MACROD2: variants seen among roughly 807,000 people sequenced by gnomAD.
The protein encoded by MACROD2 is mono-ADP ribosylhydrolase 2.
MACROD2 carries 36 observed loss-of-function variants against 70.4 expected under a neutral mutation model. That is an observed-to-expected ratio of 0.51 (90% CI 0.39 to 0.68). MACROD2 has a LOEUF of 0.68. MACROD2 is among the 30% of genes least tolerant of loss of function. The pLI is 0.00. For missense variants in MACROD2, 496 were observed against 538.4 expected (o/e 0.92, Z 0.78); for synonymous variants, 172 against 178.8 (o/e 0.96, Z 0.30).
intron 6 of MACROD2, among the ~76,000 whole-genome samples, chr20:15,235,405 A>G (rs2077004975): frequency 6.6e-6 from 1 of 152,146 alleles, no homozygotes; most frequent in Non-Finnish European, 1.5e-5. Context: ...GTTAGTAGGA[A>G]CCACCCAACT....
At chr20:14,980,580 C>T (rs760402361) in intron 5 of MACROD2, among the ~76,000 whole-genome samples, 2 of 152,130 alleles carry the variant, frequency 1.3e-5, no homozygotes, top group Non-Finnish European at 2.9e-5. Flanking sequence ...GAAACAGAAA[C>T]AATGACAACT....
At chr20:15,246,275 A>G (rs1197122909) in intron 6 of MACROD2, among the ~76,000 whole-genome samples, 2 of 151,946 alleles carry the variant, frequency 1.3e-5, no homozygotes, top group Admixed American at 6.6e-5. Context: ...GTGTATGTGT[A>G]TGTGTGTGTG....
intron 12 of MACROD2, among the ~76,000 whole-genome samples, chr20:15,945,560 ATG>A (rs2065810647): frequency 6.6e-6 from 1 of 152,204 alleles, no homozygotes; most frequent in Non-Finnish European, 1.5e-5. Flanking sequence ...TTTCAGCAGT[ATG>A]TGTTTTTAAT....
At chr20:15,501,817 A>G (rs529407141) in intron 8 of MACROD2, among the ~76,000 whole-genome samples, 1 of 152,346 alleles carries the variant, frequency 6.6e-6, no homozygotes, top group East Asian at 1.9e-4. Context: ...AAAGCTAAAT[A>G]AATTGATTAG....
At chr20:14,621,361 G>A (rs1451176031) in intron 4 of MACROD2, among the ~76,000 whole-genome samples, 1 of 151,950 alleles carries the variant, frequency 6.6e-6, no homozygotes, top group Non-Finnish European at 1.5e-5. Flanking sequence ...TTTTTGCCTG[G>A]AGAAAATACT....
intron 5 of MACROD2, among the ~76,000 whole-genome samples, chr20:14,873,052 A>T (rs1475435439): frequency 4.6e-5 from 4 of 86,950 alleles, no homozygotes; most frequent in Non-Finnish European, 1.3e-4. Flanking sequence ...TTGACACATG[A>T]AGAATATGGA....
Position 14,965,643 on chromosome 20 carries a change from T to C in MACROD2, c.419-264297T>C, listed in dbSNP as rs562818936. On this transcript the variant is annotated intron_variant, in intron 5 of 17. Transcript: ENST00000684519. ...GCCCAGCTAATTTTTTTTTTTTTTG[T>C]ATTTTTAGTAGAGACGCGGTTTCAC... 7.4e-5 allele frequency among the ~76,000 whole-genome samples: 11 copies of C among 147,870 alleles called. No homozygotes were observed. In the South Asian group the frequency reaches 2.3e-3, roughly 32 times the overall value.
At chr20:14,637,531 T>G (rs532677246) in intron 4 of MACROD2, among the ~76,000 whole-genome samples, 1 of 152,342 alleles carries the variant, frequency 6.6e-6, no homozygotes, top group South Asian at 2.1e-4. Context: ...GTGTAGTATT[T>G]CTGTGTTCCC....
At chr20:14,504,854 A>G (rs940296822) in intron 4 of MACROD2, among the ~76,000 whole-genome samples, 2 of 152,072 alleles carry the variant, frequency 1.3e-5, no homozygotes, top group African/African-American at 2.4e-5. Flanking sequence ...TCTCAATTCC[A>G]TTTTTCTTTC....
chr20:14,938,601 T>C (rs540479582), intron 5 of MACROD2, among the ~76,000 whole-genome samples: 40 of 151,996 alleles, frequency 2.6e-4, no homozygotes, highest in Non-Finnish European at 3.7e-4. Flanking sequence ...GCCAATATGG[T>C]AAAACCTCAG....
At chr20:15,128,450 T>C (rs1024896522) in intron 5 of MACROD2, among the ~76,000 whole-genome samples, 3 of 152,082 alleles carry the variant, frequency 2.0e-5, no homozygotes, top group African/African-American at 4.8e-5. Flanking sequence ...GTATGAGTTC[T>C]TTAGTATTTT....
At chr20:15,040,724 A>G in intron 5 of MACROD2, among the ~76,000 whole-genome samples, 1 of 152,166 alleles carries the variant, frequency 6.6e-6, no homozygotes. Context: ...GGCTTTATAT[A>G]AAGTTATTTT....
chr20:15,969,894 C>T lies in MACROD2; in HGVS notation c.985+2264C>T, dbSNP rs1308983367. 4.0e-5 allele frequency among the ~76,000 whole-genome samples: 6 copies of T among 150,034 alleles called. No individual in the cohort carries two copies. The East Asian group carries it at 1.2e-3, about 29-fold the overall frequency. On this transcript the variant is annotated intron_variant, in intron 13 of 17. Transcript: ENST00000684519. Reference sequence around the variant, plus strand: ...AAATAAATAAATCCACAACCAGGCCCATCATAGTAAATAAATAAATAATAG... The same window carrying T: ...AAATAAATAAATCCACAACCAGGCCTATCATAGTAAATAAATAAATAATAG...
rs1170032933 is a variant in MACROD2 at position 15,574,128 on chromosome 20, C to G, written c.645+74281C>G. 3.3e-5 allele frequency among the ~76,000 whole-genome samples: 5 copies of G among 152,068 alleles called. No individual in the cohort carries two copies. The East Asian group carries it at 9.6e-4, about 29-fold the overall frequency. Reference sequence around the variant, plus strand: ...AATTGACTACAAAAAAAATCATGTGCTATTTCATAAAATTCCAAGCATGTG... The same window carrying G: ...AATTGACTACAAAAAAAATCATGTGGTATTTCATAAAATTCCAAGCATGTG... On this transcript the variant is annotated intron_variant, in intron 8 of 17. Coordinates refer to ENST00000684519, the MANE Select transcript of MACROD2 (RefSeq NM_001351661.2).
At chr20:14,383,299 C>T (rs1447368968) in intron 3 of MACROD2, among the ~76,000 whole-genome samples, 1 of 52,558 alleles carries the variant, frequency 1.9e-5, no homozygotes, top group Non-Finnish European at 4.6e-5. Flanking sequence ...TTGTCATAAC[C>T]GTTTTTTGTT....
intron 2 of MACROD2, among the ~76,000 whole-genome samples, chr20:14,079,305 G>A (rs2053958187): frequency 6.6e-6 from 1 of 152,208 alleles, no homozygotes; most frequent in African/African-American, 2.4e-5. Context: ...ATTGGAATGA[G>A]TATGGATTTC....
rs3840075 is a variant in MACROD2 at position 14,847,644 on chromosome 20, T to TAA, written c.418+162693_418+162694dup. On this transcript the variant is annotated intron_variant, in intron 5 of 17. Transcript: ENST00000684519. ...TTGGTAAGATGACAGTCCCCCCTTT[T>TAA]AAAAAAAAATTGTTCATTAGTTTTA... 6.4e-3 allele frequency among the ~76,000 whole-genome samples: 971 copies of TAA among 151,486 alleles called. 15 individuals are homozygous for TAA. Among genetic ancestry groups the TAA allele is most frequent in the African/African-American group, 0.023 (941 of 41,262 alleles).
At chr20:14,370,783 T>TC (rs1476517697) in intron 3 of MACROD2, among the ~76,000 whole-genome samples, 1 of 152,230 alleles carries the variant, frequency 6.6e-6, no homozygotes, top group African/African-American at 2.4e-5. Flanking sequence ...AACCACAGTT[T>TC]CTTTTTCAGA....
intron 6 of MACROD2, among the ~76,000 whole-genome samples, chr20:15,274,528 G>T (rs1334356008): frequency 6.6e-6 from 1 of 152,204 alleles, no homozygotes; most frequent in Non-Finnish European, 1.5e-5. Flanking sequence ...TGTCAGTGGT[G>T]CTACCAGTGC....
Sources: allele counts gnomAD v4.1 joint callset (sites outside exome capture counted in the v4.1 genomes callset), GRCh38; gene constraint gnomAD v4.1.1; transcripts MANE v1.5; gene names NCBI Gene and HGNC (gene_info 2026-07-23, HGNC 2026-07-21).